Variants in IGSF21 observed in about 807,000 individuals in gnomAD.
IGSF21 encodes the protein immunoglobin superfamily member 21.
In IGSF21, 28 loss-of-function variants were observed where a neutral mutation model predicts 46.8. That is an observed-to-expected ratio of 0.60 (90% CI 0.44 to 0.82). The LOEUF is 0.82. Ranked by LOEUF, IGSF21 falls within the 40% of genes least tolerant of loss-of-function variation. The probability of loss-of-function intolerance (pLI) is 0.00; values close to 1 mark genes in which losing one functional copy is unlikely to be tolerated. For missense variants in IGSF21, 624 were observed against 665.5 expected (o/e 0.94, Z 0.69); for synonymous variants, 284 against 273.6 (o/e 1.04, Z -0.38).
At chr1:18,197,611 C>A (rs2087021995) in intron 1 of IGSF21, among the ~76,000 whole-genome samples, 1 of 152,178 alleles carries the variant, frequency 6.6e-6, no homozygotes, top group Non-Finnish European at 1.5e-5. Context: ...GTGTGAAGGA[C>A]AAAGGCAGAC....
At position 18,216,612 on chromosome 1, in the gene IGSF21, G is replaced by A. The variant is rs2124495863; in HGVS notation, c.71-11286G>A. ...AGAGTGGAGTGAAAAAGACAGTTGT[G>A]AGAGTTATTGGAGAAGCAGAATTGA... On this transcript the variant is annotated intron_variant, in intron 1 of 9. Coordinates refer to ENST00000251296, the MANE Select transcript of IGSF21 (RefSeq NM_032880.5). Among the ~76,000 whole-genome samples the A allele has an allele frequency of 1.3e-5, 2 of 152,216 alleles. 1 individual carries two copies. Among genetic ancestry groups the A allele is most frequent in the South Asian group, 4.2e-4 (2 of 4,810 alleles).
At position 18,337,041 on chromosome 1, in the gene IGSF21, T is replaced by C. The variant is rs1022671484; in HGVS notation, c.424+2031T>C. On this transcript the variant is annotated intron_variant, in intron 4 of 9. Coordinates refer to ENST00000251296, the MANE Select transcript of IGSF21 (RefSeq NM_032880.5). The surrounding 1 kb of genome is among the most constrained non-coding windows in gnomAD (Gnocchi z 5.7). ...GGTCCCTCCTACAACACATGGGAATTGTGGGAGCTACAGTATAAGATGAGA... is the reference window on the plus strand; with the variant it reads ...GGTCCCTCCTACAACACATGGGAATCGTGGGAGCTACAGTATAAGATGAGA... Among the ~76,000 whole-genome samples the C allele has an allele frequency of 6.6e-6, 1 of 152,168 alleles. No individual in the cohort carries two copies. The highest frequency in any genetic ancestry group is 1.9e-4 in the East Asian group (1 of 5,190).
chr1:18,234,478 C>T (rs531322873), intron 2 of IGSF21, among the ~76,000 whole-genome samples: 8 of 152,242 alleles, frequency 5.3e-5, no homozygotes, highest in Non-Finnish European at 7.4e-5. Flanking sequence ...AATCTGTATT[C>T]GTCTGTTCTT....
At position 18,187,111 on chromosome 1, in the gene IGSF21, G is replaced by A. The variant is rs1486193399; in HGVS notation, c.71-40787G>A. On this transcript the variant is annotated intron_variant, in intron 1 of 9. Transcript: ENST00000251296. ...TTTTTTCTCACAGTTCTGGGGACTA[G>A]GAAGTCCAAGATCAGATGGCGGAAG... 2.0e-5 allele frequency among the ~76,000 whole-genome samples: 3 copies of A among 152,162 alleles called. No homozygotes were observed. The East Asian group carries it at 5.8e-4, about 30-fold the overall frequency.
chr1:18,243,677 C>T (rs1473677421), intron 2 of IGSF21, among the ~76,000 whole-genome samples: 3 of 152,190 alleles, frequency 2.0e-5, no homozygotes, highest in East Asian at 1.9e-4. Context: ...TTTCTGGCCT[C>T]GCCCACTCCA....
In IGSF21 at chr1:18,377,005, C is replaced by T. The variant is rs200079305; in HGVS notation, c.1294+13C>T. 2.6e-5 allele frequency: 41 copies of T among 1,578,012 alleles called. No homozygotes were observed. In the East Asian group the frequency reaches 9.3e-4, roughly 36 times the overall value. On this transcript the variant is annotated intron_variant, in intron 8 of 9. Transcript: ENST00000251296. ...CTCATCGTGTTTGGTATGGCGCGCT[C>T]AACTGGGGACTGGGAGAACAACCAC...
At position 18,308,179 on chromosome 1, in the gene IGSF21, A is replaced by G. The variant is rs368655007; in HGVS notation, c.305+16192A>G. ...GCCAAACGCTCACCCCGGTTCCCAC[A>G]GAGCTCAGCACAAAGAGGTGAGGAG... On this transcript the variant is annotated intron_variant, in intron 3 of 9. Coordinates refer to ENST00000251296, the MANE Select transcript of IGSF21 (RefSeq NM_032880.5). 9.1e-4 allele frequency among the ~76,000 whole-genome samples: 139 copies of G among 152,248 alleles called. 2 individuals are homozygous for G. The South Asian group carries it at 0.021, about 23-fold the overall frequency.
At chr1:18,288,785 G>A (rs1474909481) in intron 2 of IGSF21, among the ~76,000 whole-genome samples, 4 of 152,190 alleles carry the variant, frequency 2.6e-5, no homozygotes, top group East Asian at 1.9e-4. Context: ...AGACAGCTGG[G>A]ACAGTGGGGC....
At chr1:18,229,798 A>C (rs1483980685) in intron 2 of IGSF21, among the ~76,000 whole-genome samples, 1 of 152,246 alleles carries the variant, frequency 6.6e-6, no homozygotes, top group African/African-American at 2.4e-5. Flanking sequence ...TGGCTGACAC[A>C]GGCTGGGAGC....
intron 6 of IGSF21, among the ~76,000 whole-genome samples, chr1:18,372,587 T>C (rs1301800434): frequency 1.3e-5 from 2 of 149,502 alleles, no homozygotes; most frequent in Non-Finnish European, 3.0e-5. Flanking sequence ...TTTGGATGGA[T>C]GTTTGGAGGG....
At chr1:18,215,031 C>T (rs975003861) in intron 1 of IGSF21, among the ~76,000 whole-genome samples, 14 of 152,172 alleles carry the variant, frequency 9.2e-5, no homozygotes, top group Non-Finnish European at 1.9e-4. Flanking sequence ...TGAGCCACTG[C>T]GCCTGGCCAG....
At chr1:18,349,374 A>G (rs7538866) in intron 4 of IGSF21, among the ~76,000 whole-genome samples, 53,106 of 151,930 alleles carry the variant, frequency 0.35, 9,728 homozygotes, top group East Asian at 0.41. Context: ...GGGGAGGACT[A>G]GGGTGCAAGC....
chr1:18,323,438 A>G (rs1380385037), intron 3 of IGSF21, among the ~76,000 whole-genome samples: 1 of 152,212 alleles, frequency 6.6e-6, no homozygotes, highest in African/African-American at 2.4e-5. Context: ...TTGCAGTGTG[A>G]AGATAGAACT....
intron 2 of IGSF21, among the ~76,000 whole-genome samples, chr1:18,257,096 C>A (rs2084900084): frequency 1.3e-5 from 2 of 152,188 alleles, no homozygotes; most frequent in Non-Finnish European, 2.9e-5. Context: ...GTTGCTAGGG[C>A]CTCCATGATA....
intron 1 of IGSF21, among the ~76,000 whole-genome samples, chr1:18,202,291 G>C (rs569156013): frequency 2.8e-4 from 43 of 152,304 alleles, no homozygotes; most frequent in African/African-American, 9.6e-4. Context: ...ACTGGCACAG[G>C]AGGACGGCTC....
At chr1:18,117,618 G>T (rs965732987) in intron 1 of IGSF21, among the ~76,000 whole-genome samples, 1 of 152,202 alleles carries the variant, frequency 6.6e-6, no homozygotes, top group Non-Finnish European at 1.5e-5. Context: ...CATACAGCAG[G>T]TGTTTGAAAA....
At chr1:18,326,419 G>A (rs1461020350) in intron 3 of IGSF21, among the ~76,000 whole-genome samples, 1 of 152,208 alleles carries the variant, frequency 6.6e-6, no homozygotes, top group African/African-American at 2.4e-5. Flanking sequence ...CAGGGGGTGT[G>A]TTTAACCTAC....
At chr1:18,185,508 G>A (rs1159130650) in intron 1 of IGSF21, among the ~76,000 whole-genome samples, 1 of 152,178 alleles carries the variant, frequency 6.6e-6, no homozygotes, top group Non-Finnish European at 1.5e-5. Context: ...GCATTGCTCG[G>A]GCATTTAAGC....
chr1:18,144,280 T>G (rs2086445640), intron 1 of IGSF21, among the ~76,000 whole-genome samples: 1 of 151,978 alleles, frequency 6.6e-6, no homozygotes, highest in Non-Finnish European at 1.5e-5. Context: ...CTCAGTCGAG[T>G]TGGAAGGATT....
Sources: allele counts gnomAD v4.1 joint callset (sites outside exome capture counted in the v4.1 genomes callset), GRCh38; gene constraint gnomAD v4.1.1; non-coding constraint Gnocchi (gnomAD v3.1); transcripts MANE v1.5; gene names NCBI Gene and HGNC (gene_info 2026-07-23, HGNC 2026-07-21).